PRR12: variants seen among roughly 807,000 people sequenced by gnomAD.
PRR12 encodes the protein proline rich 12.
Under a neutral mutation model 138.0 loss-of-function variants are expected in PRR12, and 12 were observed. The observed-to-expected ratio is 0.09, with a 90% CI of 0.06 to 0.14. The LOEUF (loss-of-function observed/expected upper bound fraction) is 0.14, where lower values mean the gene tolerates loss of function less well. PRR12 is among the 10% of genes least tolerant of loss of function. The pLI is 1.00. For synonymous variants in PRR12, 1,567 were observed against 1,291.7 expected, an observed-to-expected ratio of 1.21 and a Z score of -4.57; for missense variants, 2,692 against 2,861.3, an observed-to-expected ratio of 0.94 and a Z score of 1.35.
chr19:49,598,128 C>G (rs1599788331), intron 4 of PRR12, 115 bp downstream of exon 4: 18 of 1,144,818 alleles, frequency 1.6e-5, no homozygotes, highest in Non-Finnish European at 2.0e-5. Context: ...GGCTGGAGTG[C>G]AGTGGCACGA....
intron 11 of PRR12, among the ~76,000 whole-genome samples, chr19:49,622,934 G>C: frequency 1.1e-5 from 1 of 87,036 alleles, no homozygotes; most frequent in Non-Finnish European, 2.3e-5. Flanking sequence ...TATATAGAGA[G>C]AGAGAGAGAG....
intron 6 of PRR12, among the ~76,000 whole-genome samples, chr19:49,612,848 G>C (rs931738167): frequency 1.3e-5 from 2 of 151,824 alleles, no homozygotes; most frequent in Admixed American, 6.6e-5. Flanking sequence ...TATTTTAGTA[G>C]AGGTGGGGTT....
intron 10 of PRR12, among the ~76,000 whole-genome samples, chr19:49,620,834 A>C (rs979634108): frequency 6.0e-5 from 7 of 116,014 alleles, no homozygotes; most frequent in African/African-American, 2.4e-4. Flanking sequence ...CCTGGGTTTG[A>C]GGGAGGAGGC....
chr19:49,600,495 A>C (rs74890818), intron 5 of PRR12, among the ~76,000 whole-genome samples: 1 of 150,700 alleles, frequency 6.6e-6, no homozygotes, highest in Non-Finnish European at 1.5e-5. Flanking sequence ...AAAAAAAAAA[A>C]CCATGACAGG....
Position 49,596,308 on chromosome 19 carries a change from C to T in PRR12, c.1973C>T (p.Ala658Val), listed in dbSNP as rs561894570. 8.3e-5 allele frequency: 134 copies of T among 1,610,908 alleles called. 1 individual carries two copies. Among genetic ancestry groups the T allele is most frequent in the South Asian group, 2.2e-4 (20 of 90,982 alleles). ...QAPSPPRTSGADGLVGEDGAA... is the reference protein window; with the variant it reads ...QAPSPPRTSGVDGLVGEDGAA... ...CCCAGCCCTCCTCGGACCTCAGGGG[C>T]GGACGGCTTGGTGGGCGAGGACGGG... Residue 658 changes from alanine (A) to valine (V), a missense_variant, in exon 4 of 14, where the codon GCG (alanine) becomes GTG (valine). Ala to Val is a moderately conservative substitution (Grantham distance 64). Transcript: ENST00000418929. The surrounding 1 kb of genome is among the most constrained non-coding windows in gnomAD (Gnocchi z 5.6).
chr19:49,607,086 G>A (rs2080842368), intron 6 of PRR12, among the ~76,000 whole-genome samples: 1 of 151,670 alleles, frequency 6.6e-6, no homozygotes, highest in Non-Finnish European at 1.5e-5. Context: ...TTGAGCCCAG[G>A]AGTTGCAGAC....
At position 49,594,890 on chromosome 19, in the gene PRR12, T is replaced by A. The variant is rs1010287128; in HGVS notation, c.555T>A (p.Pro185=). 1 of 1,610,712 alleles carries A rather than the reference T, an allele frequency of 6.2e-7. No individual in the cohort carries two copies. The highest frequency in any genetic ancestry group is 8.5e-7 in the Non-Finnish European group (1 of 1,178,818). Residue 185 remains proline, a synonymous_variant, in exon 4 of 14, where the codon CCT becomes CCA. Coordinates refer to ENST00000418929, the MANE Select transcript of PRR12 (RefSeq NM_020719.3). This position sits in a 1 kb window ranked among gnomAD's most constrained non-coding sequence, Gnocchi z 5.6. ...FSPPANGLLS[P]HDVLHLKPSQ... is the part of the protein sequence containing the mutation. ...CTCCAGCTAACGGGCTCCTGTCCCC[T>A]CATGACGTGCTGCACCTGAAGCCCT...
At position 49,625,432 on chromosome 19, in the gene PRR12, C is replaced by T. The variant is rs2122390845; in HGVS notation, c.5965-29C>T. 1 of 1,569,372 alleles carries T rather than the reference C, an allele frequency of 6.4e-7. No homozygotes were observed. Among genetic ancestry groups the T allele is most frequent in the Middle Eastern group, 1.8e-4 (1 of 5,632 alleles). Reference sequence around the variant, plus strand: ...CCTCCCCAGAGGCCGGTGTGCCACCCTCCCCAGTGCCATGTTTGACCCCTG... The same window carrying T: ...CCTCCCCAGAGGCCGGTGTGCCACCTTCCCCAGTGCCATGTTTGACCCCTG... On this transcript the variant is annotated intron_variant, in intron 13 of 13. Transcript: ENST00000418929. This position sits in a 1 kb window ranked among gnomAD's most constrained non-coding sequence, Gnocchi z 5.5.
At chr19:49,611,067 A>G (rs2080863472) in intron 6 of PRR12, among the ~76,000 whole-genome samples, 2 of 151,102 alleles carry the variant, frequency 1.3e-5, no homozygotes, top group East Asian at 4.0e-4. Flanking sequence ...GTCTTGAACT[A>G]CTGACCTCAG....
At position 49,614,807 on chromosome 19, in the gene PRR12, G is replaced by A. The variant is rs2080883198; in HGVS notation, c.4891-69G>A. The A allele has an allele frequency of 2.5e-6, 4 of 1,606,266 alleles. No homozygotes were observed. The African/African-American group carries it at 5.3e-5, about 21-fold the overall frequency. On this transcript the variant is annotated intron_variant, in intron 7 of 13. Transcript: ENST00000418929. This position sits in a 1 kb window ranked among gnomAD's most constrained non-coding sequence, Gnocchi z 5.0. ...CAAGCAGCTGCCATGGTGGCCCAGG[G>A]CACGGGGGTGTTGGCCATCTGGCTG... is the stretch of plus-strand genomic sequence containing the variant.
chr19:49,613,780 T>C (rs1329139397), intron 6 of PRR12, among the ~76,000 whole-genome samples: 1 of 152,200 alleles, frequency 6.6e-6, no homozygotes, highest in Non-Finnish European at 1.5e-5. Flanking sequence ...CTCAGGTTGC[T>C]ATACCAGAAT....
At chr19:49,622,891 C>CAAA (rs1250549730) in intron 11 of PRR12, among the ~76,000 whole-genome samples, 2 of 72,526 alleles carry the variant, frequency 2.8e-5, no homozygotes, top group African/African-American at 1.3e-4. Flanking sequence ...GACTCTGTCT[C>CAAA]AAAAAAAAAA....
At chr19:49,623,359 C>A (rs1392346663) in intron 11 of PRR12, among the ~76,000 whole-genome samples, 1 of 151,384 alleles carries the variant, frequency 6.6e-6, no homozygotes, top group Non-Finnish European at 1.5e-5. Flanking sequence ...GGCGCGGAGG[C>A]TCATGTTGGT....
Position 49,593,444 on chromosome 19 carries a change from G to A in PRR12, c.199+5G>A, listed in dbSNP as rs926250773. 6 of 1,501,906 alleles carry A rather than the reference G, an allele frequency of 4.0e-6. No homozygotes were observed. Among genetic ancestry groups the A allele is most frequent in the African/African-American group, 1.4e-5 (1 of 71,356 alleles). The allele number at this position is 1,501,906 out of a possible 1,614,324, so 93.0% of individuals were successfully genotyped here. A position where few individuals can be genotyped will look rare whatever the true frequency, so the allele number is the denominator to read the frequency against. On this transcript the variant is annotated splice_donor_5th_base_variant and intron_variant, in intron 2 of 13. Coordinates refer to ENST00000418929, the MANE Select transcript of PRR12 (RefSeq NM_020719.3). ...CCACCAACCACCACCCGGCAGGTAC[G>A]GCCCCCATCCCGCCCCGCTTTGGGC... is the stretch of plus-strand genomic sequence containing the variant.
rs765638647 is a variant in PRR12 at position 49,597,778 on chromosome 19, G to T, written c.3443G>T (p.Gly1148Val). 37 of 1,596,846 alleles carry T rather than the reference G, an allele frequency of 2.3e-5. No homozygotes were observed. The highest frequency in any genetic ancestry group is 2.9e-5 in the Non-Finnish European group (34 of 1,172,284). ...ATCGACTTCTGCCCACCCAACCCAG[G>T]ACCCGATGGCCCCCGGCGCCGTGGC... ...GDIDFCPPNP[G>V]PDGPRRRGRK... Residue 1148 changes from glycine to valine, a missense_variant, in exon 4 of 14, where the codon GGA becomes GTA. Physicochemically the swap from Gly to Val is moderately radical, Grantham distance 109. Coordinates refer to ENST00000418929, the MANE Select transcript of PRR12 (RefSeq NM_020719.3). This position sits in a 1 kb window ranked among gnomAD's most constrained non-coding sequence, Gnocchi z 6.3.
At chr19:49,611,281 T>C (rs1428566368) in intron 6 of PRR12, among the ~76,000 whole-genome samples, 1 of 151,744 alleles carries the variant, frequency 6.6e-6, no homozygotes, top group Non-Finnish European at 1.5e-5. Flanking sequence ...GCTATGGTCA[T>C]GGTTGTGCCA....
At chr19:49,603,317 C>T (rs756010500) in intron 6 of PRR12, among the ~76,000 whole-genome samples, 21 of 152,248 alleles carry the variant, frequency 1.4e-4, no homozygotes, top group Non-Finnish European at 2.8e-4. Flanking sequence ...GACGCCAAGG[C>T]CATTCTCCAT....
At chr19:49,613,377 T>G (rs2080876320) in intron 6 of PRR12, among the ~76,000 whole-genome samples, 1 of 151,802 alleles carries the variant, frequency 6.6e-6, no homozygotes, top group Admixed American at 6.6e-5. Context: ...TCTAGGCTTC[T>G]GTAGTGTCCA....
At position 49,620,882 on chromosome 19, in the gene PRR12, G is replaced by T. The variant is rs138028387; in HGVS notation, c.5623+405G>T. 8.6e-4 allele frequency among the ~76,000 whole-genome samples: 125 copies of T among 144,698 alleles called. 3 individuals are homozygous for T. The highest frequency in any genetic ancestry group is 6.4e-3 in the Admixed American group (92 of 14,404). The allele number at this position is 144,698 out of a possible 152,430, so 94.9% of individuals were successfully genotyped here. A position where few individuals can be genotyped will look rare whatever the true frequency, so the allele number is the denominator to read the frequency against. ...GACTCCTGGTTCTGAGGGAGGAGAG[G>T]CTGGACCTGGACTCCCAGGTCTGAG... On this transcript the variant is annotated intron_variant, in intron 10 of 13. Coordinates refer to ENST00000418929, the MANE Select transcript of PRR12 (RefSeq NM_020719.3).
Sources: allele counts gnomAD v4.1 joint callset (sites outside exome capture counted in the v4.1 genomes callset), GRCh38; gene constraint gnomAD v4.1.1; non-coding constraint Gnocchi (gnomAD v3.1); transcripts MANE v1.5; gene names NCBI Gene and HGNC (gene_info 2026-07-23, HGNC 2026-07-21).